Variants in RBM14 observed in about 807,000 individuals in gnomAD.
RBM14 encodes the protein RNA binding motif protein 14.
A neutral mutation model predicts 52.8 loss-of-function variants in RBM14; 5 were observed. The observed-to-expected ratio is 0.09, with a 90% CI of 0.05 to 0.20. RBM14 has a LOEUF of 0.20. Among genes scored for constraint, RBM14 ranks in the 10% least tolerant of loss-of-function variants. The probability of loss-of-function intolerance (pLI) is 1.00; values close to 1 mark genes in which losing one functional copy is unlikely to be tolerated. For synonymous variants in RBM14, 411 were observed against 401.8 expected, an observed-to-expected ratio of 1.02 and a Z score of -0.28; for missense variants, 780 against 926.6, an observed-to-expected ratio of 0.84 and a Z score of 2.05.
At position 66,628,547 on chromosome 11, in the gene RBM14, A is replaced by G. The variant is rs201730473; in HGVS notation, c.*1879A>G. On this transcript the variant is annotated 3_prime_UTR_variant, in exon 3 of 3. Coordinates refer to ENST00000310137, the MANE Select transcript of RBM14 (RefSeq NM_006328.4). ...GGTAATCTCAGGGAGTACTGGGGCC[A>G]TGGCTCTTTCCCTTGCTTCTCTTTC... Among the ~76,000 whole-genome samples the G allele has an allele frequency of 6.6e-6, 1 of 152,044 alleles. No individual in the cohort carries two copies. The highest frequency in any genetic ancestry group is 1.5e-5 in the Non-Finnish European group (1 of 68,000).
At position 66,616,795 on chromosome 11, in the gene RBM14, C is replaced by T. The variant is rs1274231771; in HGVS notation, c.75C>T (p.Tyr25=). 10 of 1,609,988 alleles carry T rather than the reference C, an allele frequency of 6.2e-6. No individual in the cohort carries two copies. Among genetic ancestry groups the T allele is most frequent in the South Asian group, 2.2e-5 (2 of 91,040 alleles). The change falls in exon 1 of 3, where the codon TAC becomes TAT. Residue 25 remains tyrosine, a synonymous_variant. Coordinates refer to ENST00000310137, the MANE Select transcript of RBM14 (RefSeq NM_006328.4). ...PEELAALFAP[Y]GTVMSCAVMK... ...AGCTGGCAGCCCTCTTTGCGCCCTA[C>T]GGCACGGTCATGAGCTGCGCCGTCA...
rs1490489512 is a variant in RBM14, at chr11:66,627,577, CAACTT to C, written c.*910_*914del. Among the ~76,000 whole-genome samples the C allele has an allele frequency of 2.0e-5, 3 of 152,222 alleles. No homozygotes were observed. Among genetic ancestry groups the C allele is most frequent in the African/African-American group, 2.4e-5 (1 of 41,460 alleles). ...GGCAGGTGGCCTGGTCCTCAGCCCT[CAACTT>C]GAGTTAGTCACACCAAAATGCAGTA... On this transcript the variant is annotated 3_prime_UTR_variant, in exon 3 of 3. Transcript: ENST00000310137.
At chr11:66,623,980 G>T in intron 1 of RBM14, 1 of 761,364 alleles carries the variant, frequency 1.3e-6, no homozygotes, top group East Asian at 2.7e-5. Context: ...TGAGATGGCA[G>T]GGTTTGTAAA....
In RBM14 at chr11:66,625,875, A is replaced by C; in HGVS notation, c.1802+197A>C. On this transcript the variant is annotated intron_variant, in intron 2 of 2. Coordinates refer to ENST00000310137, the MANE Select transcript of RBM14 (RefSeq NM_006328.4). This position sits in a 1 kb window ranked among gnomAD's most constrained non-coding sequence, Gnocchi z 4.2. ...AGGGTTCAGGTGGAGCATAGTGCTC[A>C]GCCTGGGGTGGTACCTGCTAGTCAG... The C allele has an allele frequency of 1.7e-6, 1 of 581,684 alleles. No homozygotes were observed. The highest frequency in any genetic ancestry group is 3.0e-6 in the Non-Finnish European group (1 of 331,706). The allele number at this position is 581,684 out of a possible 1,614,324, so 36.0% of individuals were successfully genotyped here.
At chr11:66,618,611 T>C (rs917618166) in intron 1 of RBM14, 43 of 715,142 alleles carry the variant, frequency 6.0e-5, no homozygotes, top group Non-Finnish European at 8.9e-5. Flanking sequence ...TGGGGGAGGG[T>C]CTCAGATTGG....
Position 66,626,501 on chromosome 11 carries a change from C to G in RBM14, c.1843C>G (p.Arg615Gly), listed in dbSNP as rs768155048. The G allele has an allele frequency of 6.2e-7, 1 of 1,613,876 alleles. No individual in the cohort carries two copies. Among genetic ancestry groups the G allele is most frequent in the African/African-American group, 1.3e-5 (1 of 75,060 alleles). The stretch of plus-strand genomic sequence containing the variant: ...GCGTTTAGCCGAGCTCTCTGATTAC[C>G]GCCGTTTATCAGAGTCGCAGCTTTC... ...DRRLAELSDY[R>G]RLSESQLSFR... The change falls in exon 3 of 3, where the codon CGC becomes GGC. Residue 615 changes from arginine (R) to glycine (G), a missense_variant. Transcript: ENST00000310137.
intron 1 of RBM14, chr11:66,619,181 A>G (rs1276184415): frequency 6.6e-6 from 1 of 152,194 alleles, no homozygotes; most frequent in Non-Finnish European, 1.5e-5. Flanking sequence ...TAAAGAGCGT[A>G]CTCATTTCTT....
chr11:66,617,163 G>A (rs1858876411), intron 1 of RBM14, 106 bp downstream of exon 1: 2 of 1,478,726 alleles, frequency 1.4e-6, no homozygotes, highest in Non-Finnish European at 8.9e-7. Flanking sequence ...GAGGGGTGGG[G>A]AAGTGCGCGG....
rs35370272 is a variant in RBM14, at chr11:66,629,919, G to GAA, written c.*3254_*3255dup. On this transcript the variant is annotated 3_prime_UTR_variant, in exon 3 of 3. Transcript: ENST00000310137. ...CGGTGAGACCTTGTCTCTACCAAAAGAAAAGAAAAAAAAAAGCCAGCTGTG... is the reference window on the plus strand; with the variant it reads ...CGGTGAGACCTTGTCTCTACCAAAAGAAAAAAGAAAAAAAAAAGCCAGCTGTG... Among the ~76,000 whole-genome samples, 99,265 of 150,294 alleles carry GAA rather than the reference G, an allele frequency of 0.66. 34,030 individuals carry two copies. The highest frequency in any genetic ancestry group is 0.82 in the South Asian group (3,899 of 4,770).
Position 66,625,807 on chromosome 11 carries a change from C to T in RBM14, c.1802+129C>T. On this transcript the variant is annotated intron_variant, in intron 2 of 2. Coordinates refer to ENST00000310137, the MANE Select transcript of RBM14 (RefSeq NM_006328.4). This position sits in a 1 kb window ranked among gnomAD's most constrained non-coding sequence, Gnocchi z 4.2. ...CTCTTCTCTATTTTTGTGGGATGTC[C>T]AGAGGCCGAGGGGAGCAGTGTCTAT... The T allele has an allele frequency of 1.3e-6, 1 of 746,672 alleles. No homozygotes were observed. The highest frequency in any genetic ancestry group is 2.1e-6 in the Non-Finnish European group (1 of 470,872). The allele number at this position is 746,672 out of a possible 1,614,324, so 46.3% of individuals were successfully genotyped here.
chr11:66,622,341 C>T (rs750739173), intron 1 of RBM14, among the ~76,000 whole-genome samples: 5 of 151,360 alleles, frequency 3.3e-5, no homozygotes, highest in African/African-American at 4.9e-5. Context: ...AAGTGATTCT[C>T]CTGCCCCAGA....
At chr11:66,618,270 C>T (rs1184071938) in intron 1 of RBM14, among the ~76,000 whole-genome samples, 2 of 152,088 alleles carry the variant, frequency 1.3e-5, no homozygotes, top group Non-Finnish European at 2.9e-5. Context: ...CTGGTGGGTT[C>T]ATACCTGCTC....
Position 66,628,325 on chromosome 11 carries a change from A to G in RBM14, c.*1657A>G, listed in dbSNP as rs368590565. On this transcript the variant is annotated 3_prime_UTR_variant, in exon 3 of 3. Transcript: ENST00000310137. The stretch of plus-strand genomic sequence containing the variant: ...CTTTAAAGACTCGATTTGGGAGCCT[A>G]CTGGGGCAAGGCGACTGGGGAGGTG... Among the ~76,000 whole-genome samples the G allele has an allele frequency of 2.6e-5, 4 of 152,264 alleles. No homozygotes were observed. Among genetic ancestry groups the G allele is most frequent in the East Asian group, 3.9e-4 (2 of 5,182 alleles).
chr11:66,616,857 C>G lies in RBM14; in HGVS notation c.137C>G (p.Ala46Gly). ...QFAFVHMREN[A>G]GALRAIEALH... ...GCCTTCGTGCACATGCGCGAGAACG[C>G]GGGCGCGCTGCGCGCCATCGAAGCC... The change falls in exon 1 of 3, where the codon GCG becomes GGG. Residue 46 changes from alanine (A) to glycine (G), a missense_variant. Physicochemically the swap from Ala to Gly is moderately conservative, Grantham distance 60. This residue lies in a region of RBM14 where 71 missense variants were observed against 119.2 expected (regional missense o/e 0.60). Coordinates refer to ENST00000310137, the MANE Select transcript of RBM14 (RefSeq NM_006328.4). The G allele has an allele frequency of 6.2e-7, 1 of 1,612,336 alleles. No individual in the cohort carries two copies. Among genetic ancestry groups the G allele is most frequent in the Non-Finnish European group, 8.5e-7 (1 of 1,179,524 alleles).
Position 66,625,024 on chromosome 11 carries a change from C to G in RBM14, c.1148C>G (p.Ser383Cys). ...GGCTCCTACGGGGCTCAGGCAGCCT[C>G]CTATGGGGCCCAGTCTGCAGCCTCC... is the stretch of plus-strand genomic sequence containing the variant. ...SLGSYGAQAA[S>C]YGAQSAASSL... Residue 383 changes from serine (S) to cysteine (C), a missense_variant, in exon 2 of 3, where the codon TCC (serine) becomes TGC (cysteine). Transcript: ENST00000310137. The surrounding 1 kb of genome is among the most constrained non-coding windows in gnomAD (Gnocchi z 4.2). 6.2e-7 allele frequency: 1 copy of G among 1,613,974 alleles called. No homozygotes were observed.
At chr11:66,623,436 T>G (rs1288765186) in intron 1 of RBM14, among the ~76,000 whole-genome samples, 1 of 152,182 alleles carries the variant, frequency 6.6e-6, no homozygotes, top group African/African-American at 2.4e-5. Context: ...AGGGATAGAT[T>G]ATGTAGCAAA....
Position 66,625,200 on chromosome 11 carries a change from T to A in RBM14, c.1324T>A (p.Tyr442Asn). The change falls in exon 2 of 3, where the codon TAT (tyrosine) becomes AAT (asparagine). Residue 442 changes from tyrosine (Y) to asparagine (N), a missense_variant. Transcript: ENST00000310137. The surrounding 1 kb of genome is among the most constrained non-coding windows in gnomAD (Gnocchi z 4.2). ...GGCACAGCCAGCCACAGCTGCTGCC[T>A]ATGCCAGCCAGCCAGCAGCCTACGC... ...YVAQPATAAA[Y>N]ASQPAAYAAQ... is the part of the protein sequence containing the mutation. The A allele has an allele frequency of 6.2e-7, 1 of 1,612,008 alleles. No individual in the cohort carries two copies. Among genetic ancestry groups the A allele is most frequent in the Non-Finnish European group, 8.5e-7 (1 of 1,179,960 alleles).
rs776497309 is a variant in RBM14 at position 66,624,524 on chromosome 11, T to C, written c.648T>C (p.Pro216=). The C allele has an allele frequency of 6.2e-7, 1 of 1,613,544 alleles. No individual in the cohort carries two copies. The highest frequency in any genetic ancestry group is 8.5e-7 in the Non-Finnish European group (1 of 1,179,952). The change falls in exon 2 of 3, where the codon CCT becomes CCC. Residue 216 remains proline (P), a synonymous_variant. Coordinates refer to ENST00000310137, the MANE Select transcript of RBM14 (RefSeq NM_006328.4). The surrounding 1 kb of genome is among the most constrained non-coding windows in gnomAD (Gnocchi z 4.7). ...CCTTCTTTGGTCGCGACCGCAGCCC[T>C]CTGCGCCGTTCACCTCCCCGAGCCT... ...TPPFFGRDRS[P]LRRSPPRASY... is the part of the protein sequence containing the mutation.
In RBM14 at chr11:66,629,545, G is replaced by C. The variant is rs1937961678; in HGVS notation, c.*2877G>C. ...GTCTGCACAGACGGTTGGTCCTCCA[G>C]GCATATTGTCCTATTAAGCCAAATA... On this transcript the variant is annotated 3_prime_UTR_variant, in exon 3 of 3. Coordinates refer to ENST00000310137, the MANE Select transcript of RBM14 (RefSeq NM_006328.4). Among the ~76,000 whole-genome samples, 2 of 152,160 alleles carry C rather than the reference G, an allele frequency of 1.3e-5. No homozygotes were observed. Among genetic ancestry groups the C allele is most frequent in the African/African-American group, 4.8e-5 (2 of 41,438 alleles).
Sources: allele counts gnomAD v4.1 joint callset (sites outside exome capture counted in the v4.1 genomes callset), GRCh38; gene constraint gnomAD v4.1.1; regional missense constraint gnomAD v4.1.1; non-coding constraint Gnocchi (gnomAD v3.1); transcripts MANE v1.5; gene names NCBI Gene and HGNC (gene_info 2026-07-23, HGNC 2026-07-21).